Variants in SPSB1 observed in about 807,000 individuals in gnomAD.
SPSB1 encodes the protein SPRY domain-containing SOCS box protein 1.
Under a neutral mutation model 21.2 loss-of-function variants are expected in SPSB1, and 8 were observed. That is an observed-to-expected ratio of 0.38 (90% confidence interval 0.22 to 0.68). SPSB1 has a LOEUF of 0.68. Ranked by LOEUF, SPSB1 falls within the 30% of genes least tolerant of loss-of-function variation. The probability of loss-of-function intolerance (pLI) is 0.53; values close to 1 mark genes in which losing one functional copy is unlikely to be tolerated. For synonymous variants in SPSB1, 169 were observed against 161.7 expected (o/e 1.05, Z -0.34); for missense variants, 242 against 377.8 (o/e 0.64, Z 2.98).
In SPSB1 at chr1:9,369,124, C is replaced by G. The variant is rs1459639794; in HGVS notation, c.*1549C>G. 6.6e-6 allele frequency: 1 copy of G among 152,108 alleles called. No homozygotes were observed. The highest frequency in any genetic ancestry group is 2.4e-5 in the African/African-American group (1 of 41,236). The allele number at this position is 152,108 out of a possible 1,614,324, so 9.4% of individuals were successfully genotyped here. ...AGTACCTTTTTTTAAGTAAATCTTACAGTGGAGTATATTTTTTAAAGCACA... is the reference window on the plus strand; with the variant it reads ...AGTACCTTTTTTTAAGTAAATCTTAGAGTGGAGTATATTTTTTAAAGCACA... On this transcript the variant is annotated 3_prime_UTR_variant, in exon 3 of 3. Transcript: ENST00000328089.
chr1:9,340,706 G>A (rs1442750277), intron 1 of SPSB1, among the ~76,000 whole-genome samples: 3 of 152,258 alleles, frequency 2.0e-5, no homozygotes, highest in Non-Finnish European at 2.9e-5. Context: ...CGAGGGGCGT[G>A]GGATGCACCC....
intron 2 of SPSB1, among the ~76,000 whole-genome samples, chr1:9,362,737 G>T (rs965465130): frequency 6.6e-6 from 1 of 152,216 alleles, no homozygotes; most frequent in Admixed American, 6.5e-5. Flanking sequence ...GCATGTTCAC[G>T]TGGGCCACCA....
At chr1:9,294,888 G>C (rs952284807) in intron 1 of SPSB1, among the ~76,000 whole-genome samples, 1 of 152,106 alleles carries the variant, frequency 6.6e-6, no homozygotes, top group African/African-American at 2.4e-5. Flanking sequence ...AGCACAGGTG[G>C]TCTCTCCACA....
chr1:9,313,346 G>T (rs1639555966), intron 1 of SPSB1, among the ~76,000 whole-genome samples: 1 of 152,214 alleles, frequency 6.6e-6, no homozygotes, highest in Admixed American at 6.5e-5. Context: ...GCTGCAGTGA[G>T]CCAAGATTGC....
Position 9,367,465 on chromosome 1 carries a change from A to G in SPSB1, c.712A>G (p.Met238Val), listed in dbSNP as rs754439299. The G allele has an allele frequency of 6.2e-7, 1 of 1,613,756 alleles. No individual in the cohort carries two copies. Among genetic ancestry groups the G allele is most frequent in the South Asian group, 1.1e-5 (1 of 91,088 alleles). The change falls in exon 3 of 3, where the codon ATG (methionine) becomes GTG (valine). Residue 238 changes from methionine (M) to valine (V), a missense_variant. By Grantham distance (21) the Met-to-Val change is conservative. Transcript: ENST00000328089. The surrounding 1 kb of genome is among the most constrained non-coding windows in gnomAD (Gnocchi z 5.9). ...NGLDPEPLPL[M>V]DLCRRSVRLA... ...CTCCCCAGCCGAGCCGCTGCCGCTCATGGATTTGTGCCGTCGCTCGGTGCG... is the reference window on the plus strand; with the variant it reads ...CTCCCCAGCCGAGCCGCTGCCGCTCGTGGATTTGTGCCGTCGCTCGGTGCG...
At chr1:9,316,781 G>A (rs1258203010) in intron 1 of SPSB1, among the ~76,000 whole-genome samples, 1 of 152,244 alleles carries the variant, frequency 6.6e-6, no homozygotes. Flanking sequence ...TCTGGGGGCC[G>A]CAGCAGCTTC....
In SPSB1 at chr1:9,368,834, C is replaced by T. The variant is rs1640618882; in HGVS notation, c.*1259C>T. The T allele has an allele frequency of 6.6e-6, 1 of 152,362 alleles. No homozygotes were observed. The highest frequency in any genetic ancestry group is 6.5e-5 in the Admixed American group (1 of 15,280). The allele number at this position is 152,362 out of a possible 1,614,324, so 9.4% of individuals were successfully genotyped here. A position where few individuals can be genotyped will look rare whatever the true frequency, so the allele number is the denominator to read the frequency against. On this transcript the variant is annotated 3_prime_UTR_variant, in exon 3 of 3. Transcript: ENST00000328089. ...GGTAACAGCCCCAGTTCATCCCAAC[C>T]CCTCTCAGAGCCTCAAGAGGGGTAG...
At chr1:9,296,745 A>G (rs751044624) in intron 1 of SPSB1, among the ~76,000 whole-genome samples, 11 of 152,246 alleles carry the variant, frequency 7.2e-5, no homozygotes, top group Non-Finnish European at 1.2e-4. Flanking sequence ...CTGTTACTCT[A>G]TGCGGGGCAA....
intron 1 of SPSB1, among the ~76,000 whole-genome samples, chr1:9,300,648 C>T (rs1639312753): frequency 1.3e-5 from 2 of 152,206 alleles, no homozygotes; most frequent in Non-Finnish European, 2.9e-5. Flanking sequence ...AGCTGCCCAT[C>T]ATGAAGTGGG....
chr1:9,354,206 G>C (rs761891168), intron 1 of SPSB1, among the ~76,000 whole-genome samples: 1 of 152,138 alleles, frequency 6.6e-6, no homozygotes, highest in Non-Finnish European at 1.5e-5. Flanking sequence ...CGTGTGTCTG[G>C]GAGCCTGCAG....
In SPSB1 at chr1:9,317,674, G is replaced by C. The variant is rs1639637280; in HGVS notation, c.-150+24603G>C. On this transcript the variant is annotated intron_variant, in intron 1 of 2. Transcript: ENST00000328089. This position sits in a 1 kb window ranked among gnomAD's most constrained non-coding sequence, Gnocchi z 4.3. ...GTATTTTGTATTTTTTGTAGAGTTG[G>C]GGTTTCACCCTATTGCCAGGCTGGT... is the stretch of plus-strand genomic sequence containing the variant. 6.6e-6 allele frequency among the ~76,000 whole-genome samples: 1 copy of C among 152,072 alleles called. No individual in the cohort carries two copies. The highest frequency in any genetic ancestry group is 2.1e-4 in the South Asian group (1 of 4,812).
At chr1:9,308,058 C>A (rs1322561649) in intron 1 of SPSB1, among the ~76,000 whole-genome samples, 1 of 152,204 alleles carries the variant, frequency 6.6e-6, no homozygotes, top group African/African-American at 2.4e-5. Flanking sequence ...TTTGGTGCCC[C>A]TTCCAAATCC....
At position 9,356,646 on chromosome 1, in the gene SPSB1, G is replaced by A. The variant is rs1304599722; in HGVS notation, c.694+61G>A. The A allele has an allele frequency of 2.6e-6, 4 of 1,524,782 alleles. No homozygotes were observed. The highest frequency in any genetic ancestry group is 2.8e-5 in the African/African-American group (2 of 72,348). 94.5% of individuals were successfully genotyped at this position (1,524,782 alleles called of 1,614,324 possible). On this transcript the variant is annotated intron_variant, in intron 2 of 2. Coordinates refer to ENST00000328089, the MANE Select transcript of SPSB1 (RefSeq NM_025106.4). The surrounding 1 kb of genome is among the most constrained non-coding windows in gnomAD (Gnocchi z 7.4). ...CCCTCAGTCCCCATGGTCCTGGCTG[G>A]GCTCAGGCCAAAAGTTGATTCATTG...
intron 1 of SPSB1, among the ~76,000 whole-genome samples, chr1:9,306,112 G>A (rs1369472716): frequency 3.9e-5 from 6 of 152,184 alleles, no homozygotes; most frequent in African/African-American, 9.6e-5. Flanking sequence ...GGGAGGAACC[G>A]AGACATGGGG....
In SPSB1 at chr1:9,321,636, G is replaced by A. The variant is rs1294650714; in HGVS notation, c.-150+28565G>A. ...TGTTTCATCACATCTGAGACCCGTC[G>A]ACCGTGAGCTTCACCTTTAAATAAA... On this transcript the variant is annotated intron_variant, in intron 1 of 2. Coordinates refer to ENST00000328089, the MANE Select transcript of SPSB1 (RefSeq NM_025106.4). The surrounding 1 kb of genome is among the most constrained non-coding windows in gnomAD (Gnocchi z 4.8). Among the ~76,000 whole-genome samples, 1 of 152,020 alleles carries A rather than the reference G, an allele frequency of 6.6e-6. No homozygotes were observed. Among genetic ancestry groups the A allele is most frequent in the Non-Finnish European group, 1.5e-5 (1 of 68,018 alleles).
intron 1 of SPSB1, among the ~76,000 whole-genome samples, chr1:9,308,374 C>T (rs1407486312): frequency 6.6e-6 from 1 of 152,168 alleles, no homozygotes; most frequent in Admixed American, 6.5e-5. Context: ...CCCGGAGCCA[C>T]GGTGCCCTGA....
Position 9,293,050 on chromosome 1 carries a change from C to T in SPSB1, c.-171C>T, listed in dbSNP as rs1279843180. ...CCTCCTCGGCCTTGGAGAGCAGCGGCGGCGGCGGCACCCCGGGCGCGGTAG... is the reference window on the plus strand; with the variant it reads ...CCTCCTCGGCCTTGGAGAGCAGCGGTGGCGGCGGCACCCCGGGCGCGGTAG... On this transcript the variant is annotated 5_prime_UTR_variant, in exon 1 of 3. Coordinates refer to ENST00000328089, the MANE Select transcript of SPSB1 (RefSeq NM_025106.4). The surrounding 1 kb of genome is among the most constrained non-coding windows in gnomAD (Gnocchi z 5.1). 3 of 980,766 alleles carry T rather than the reference C, an allele frequency of 3.1e-6. No individual in the cohort carries two copies. The highest frequency in any genetic ancestry group is 1.2e-4 in the East Asian group (1 of 8,666). The allele number at this position is 980,766 out of a possible 1,614,324, so 60.8% of individuals were successfully genotyped here.
intron 1 of SPSB1, among the ~76,000 whole-genome samples, chr1:9,304,158 G>T (rs910032040): frequency 6.6e-6 from 1 of 152,186 alleles, no homozygotes; most frequent in African/African-American, 2.4e-5. Context: ...CCTGCACTCG[G>T]ATGTCACAAC....
At chr1:9,361,159 T>TTTTTTTTTC (rs1640468713) in intron 2 of SPSB1, among the ~76,000 whole-genome samples, 1 of 33,230 alleles carries the variant, frequency 3.0e-5, no homozygotes, top group Non-Finnish European at 6.7e-5. Flanking sequence ...TCATTTTCTT[T>TTTTTTTTTC]TTTTTTTTTT....
Sources: allele counts gnomAD v4.1 joint callset (sites outside exome capture counted in the v4.1 genomes callset), GRCh38; gene constraint gnomAD v4.1.1; non-coding constraint Gnocchi (gnomAD v3.1); transcripts MANE v1.5; gene names NCBI Gene and HGNC (gene_info 2026-07-23, HGNC 2026-07-21).